The following ARHGEF38 variants were observed in gnomAD, a reference collection of about 807,000 sequenced individuals.
ARHGEF38 encodes the protein Rho guanine nucleotide exchange factor 38, also known as Rho guanine nucleotide exchange factor (GEF) 38.
Under a neutral mutation model 79.9 loss-of-function variants are expected in ARHGEF38, and 79 were observed. The observed-to-expected ratio is 0.99, with a 90% CI of 0.82 to 1.19. The LOEUF is 1.19. ARHGEF38 is among the 50% of genes most tolerant of loss of function. The pLI is 0.00. For synonymous variants in ARHGEF38, 366 were observed against 328.3 expected (o/e 1.11, Z -1.24); for missense variants, 962 against 907.2 (o/e 1.06, Z -0.78).
At chr4:105,660,254 T>C (rs1730508348) in intron 10 of ARHGEF38, among the ~76,000 whole-genome samples, 1 of 152,124 alleles carries the variant, frequency 6.6e-6, no homozygotes, top group East Asian at 1.9e-4. Flanking sequence ...CTCATCCCCA[T>C]TTTTGTTAGT....
rs565587749 is a variant in ARHGEF38 at position 105,631,268 on chromosome 4, G to C, written c.656+223G>C. ...TAAAAATAACATGGAAGAAGATTTA[G>C]AGCTCTGCAGCGATTGAAAAATGCA... On this transcript the variant is annotated intron_variant, in intron 4 of 13. Coordinates refer to ENST00000420470, the MANE Select transcript of ARHGEF38 (RefSeq NM_001242729.2). 24 of 1,194,372 alleles carry C rather than the reference G, an allele frequency of 2.0e-5. No individual in the cohort carries two copies. The Admixed American group carries it at 9.5e-4, about 47-fold the overall frequency. The allele number at this position is 1,194,372 out of a possible 1,614,324, so 74.0% of individuals were successfully genotyped here.
rs67487825 is a variant in ARHGEF38, at chr4:105,561,397, GAATAAT to G, written c.196+8438_196+8443del. Among the ~76,000 whole-genome samples, 72 of 36,458 alleles carry G rather than the reference GAATAAT, an allele frequency of 2.0e-3. 7 individuals are homozygous for G. The highest frequency in any genetic ancestry group is 1.2e-3 in the Non-Finnish European group (21 of 16,978). 23.9% of individuals were successfully genotyped at this position (36,458 alleles called of 152,430 possible). A position where few individuals can be genotyped will look rare whatever the true frequency, so the allele number is the denominator to read the frequency against. ...AGCCTGGAGTCTCAAAAATAGAGTA[GAATAAT>G]AGAATAGAATAGAATAGAATGGAAT... On this transcript the variant is annotated intron_variant, in intron 1 of 13. Transcript: ENST00000420470.
rs191200593 is a variant in ARHGEF38 at position 105,645,254 on chromosome 4, C to T, written c.741C>T (p.Tyr247=). ...MIKPIQRVMK[Y]PLLLCELRNS... ...AACCAATTCAACGTGTGATGAAATA[C>T]CCCCTATTACTGTGCGAACTTCGGA... Residue 247 remains tyrosine (Y), a synonymous_variant, in exon 6 of 14, where the codon TAC becomes TAT. Coordinates refer to ENST00000420470, the MANE Select transcript of ARHGEF38 (RefSeq NM_001242729.2). 5.2e-6 allele frequency: 8 copies of T among 1,535,274 alleles called. No individual in the cohort carries two copies. Among genetic ancestry groups the T allele is most frequent in the Admixed American group, 3.9e-5 (2 of 50,748 alleles).
At chr4:105,625,905 G>A (rs958632944) in intron 3 of ARHGEF38, among the ~76,000 whole-genome samples, 2 of 152,054 alleles carry the variant, frequency 1.3e-5, no homozygotes, top group African/African-American at 4.8e-5. Flanking sequence ...CCTTCTTTGT[G>A]GCTATGCCTT....
At chr4:105,608,365 A>G (rs1438754494) in intron 2 of ARHGEF38, among the ~76,000 whole-genome samples, 1 of 152,008 alleles carries the variant, frequency 6.6e-6, no homozygotes, top group Non-Finnish European at 1.5e-5. Context: ...TCTTCTTTTG[A>G]GAAATGTCTA....
At chr4:105,586,978 T>C (rs1028045476) in intron 1 of ARHGEF38, among the ~76,000 whole-genome samples, 2 of 135,140 alleles carry the variant, frequency 1.5e-5, no homozygotes, top group African/African-American at 5.4e-5. Flanking sequence ...AATATACACA[T>C]TTTTAAAAAG....
At chr4:105,583,728 T>G (rs1726904450) in intron 1 of ARHGEF38, among the ~76,000 whole-genome samples, 1 of 152,222 alleles carries the variant, frequency 6.6e-6, no homozygotes, top group Admixed American at 6.5e-5. Context: ...TTTTTATTGC[T>G]GTATCCCCAG....
chr4:105,580,807 G>A (rs907436839), intron 1 of ARHGEF38, among the ~76,000 whole-genome samples: 5 of 151,974 alleles, frequency 3.3e-5, no homozygotes, highest in African/African-American at 7.3e-5. Context: ...CCACCTTCCT[G>A]GTTCAAGCAA....
intron 1 of ARHGEF38, among the ~76,000 whole-genome samples, chr4:105,554,119 T>A (rs1217033377): frequency 2.0e-5 from 3 of 152,278 alleles, no homozygotes; most frequent in East Asian, 1.9e-4. Flanking sequence ...ACTTTTTTTT[T>A]AAAATGAGGG....
chr4:105,671,535 C>G (rs1313657184), intron 13 of ARHGEF38, among the ~76,000 whole-genome samples: 1 of 152,282 alleles, frequency 6.6e-6, no homozygotes, highest in South Asian at 2.1e-4. Context: ...TGTGCCTAAT[C>G]CTTGCCCCAG....
chr4:105,566,752 C>CTTTT (rs70938197), intron 1 of ARHGEF38, among the ~76,000 whole-genome samples: 1 of 140,870 alleles, frequency 7.1e-6, no homozygotes, highest in Non-Finnish European at 1.5e-5. Flanking sequence ...TGGCAGCCAT[C>CTTTT]TTTTTTTTTT....
intron 2 of ARHGEF38, among the ~76,000 whole-genome samples, chr4:105,596,103 A>G (rs981693499): frequency 6.6e-5 from 10 of 152,198 alleles, no homozygotes; most frequent in African/African-American, 2.4e-4. Context: ...AATGGTGCCT[A>G]TTACCAGTGT....
At chr4:105,578,694 T>C (rs571925850) in intron 1 of ARHGEF38, among the ~76,000 whole-genome samples, 4 of 152,326 alleles carry the variant, frequency 2.6e-5, no homozygotes, top group Non-Finnish European at 4.4e-5. Context: ...GTTGTTGCTT[T>C]AAGGTCTGTG....
At chr4:105,637,939 A>T (rs1183612588) in intron 5 of ARHGEF38, among the ~76,000 whole-genome samples, 2 of 152,160 alleles carry the variant, frequency 1.3e-5, no homozygotes, top group Non-Finnish European at 2.9e-5. Flanking sequence ...ATCAAGAACT[A>T]AAAAAGAAGA....
At chr4:105,576,860 C>A (rs1333639146) in intron 1 of ARHGEF38, among the ~76,000 whole-genome samples, 2 of 152,068 alleles carry the variant, frequency 1.3e-5, no homozygotes, top group Non-Finnish European at 2.9e-5. Context: ...TTTTCTGCAT[C>A]TATTGAGAAG....
chr4:105,669,403 G>A (rs1730883228), intron 13 of ARHGEF38, among the ~76,000 whole-genome samples: 1 of 151,936 alleles, frequency 6.6e-6, no homozygotes, highest in Non-Finnish European at 1.5e-5. Context: ...ATCTATTTTT[G>A]TGCATTTGTA....
chr4:105,601,949 GA>G (rs1727840791), intron 2 of ARHGEF38, among the ~76,000 whole-genome samples: 1 of 152,024 alleles, frequency 6.6e-6, no homozygotes, highest in Admixed American at 6.6e-5. Flanking sequence ...TATGAATCAT[GA>G]ATTTTGTCTC....
chr4:105,624,797 G>A (rs1728875736), intron 3 of ARHGEF38, among the ~76,000 whole-genome samples: 1 of 152,160 alleles, frequency 6.6e-6, no homozygotes, highest in Non-Finnish European at 1.5e-5. Flanking sequence ...AAGACCGCGG[G>A]GAGCAACCCT....
At chr4:105,668,538 T>G (rs947809966) in intron 13 of ARHGEF38, among the ~76,000 whole-genome samples, 1 of 152,220 alleles carries the variant, frequency 6.6e-6, no homozygotes, top group African/African-American at 2.4e-5. Context: ...TTCAGTATAC[T>G]TAATGGTTCA....
Sources: gnomAD v4.1 joint callset for allele counts (sites outside exome capture counted in the v4.1 genomes callset) on GRCh38, gnomAD v4.1.1 for gene constraint, MANE v1.5 for transcripts, NCBI Gene and HGNC (gene_info 2026-07-23, HGNC 2026-07-21) for gene names.